Variants in RUNX2 observed in about 807,000 individuals in gnomAD.
RUNX2 encodes runt-related transcription factor 2.
RUNX2 carries 10 observed loss-of-function variants against 51.7 expected under a neutral mutation model. That is an observed-to-expected ratio of 0.19 (90% CI 0.12 to 0.33). The LOEUF (loss-of-function observed/expected upper bound fraction) is 0.33, where lower values mean the gene tolerates loss of function less well. Among genes scored for constraint, RUNX2 ranks in the 10% least tolerant of loss-of-function variants. The probability of loss-of-function intolerance (pLI) is 1.00; values close to 1 mark genes in which losing one functional copy is unlikely to be tolerated. For missense variants in RUNX2, 562 were observed against 691.3 expected, an observed-to-expected ratio of 0.81 and a Z score of 2.10; for synonymous variants, 276 against 273.6, an observed-to-expected ratio of 1.01 and a Z score of -0.09.
At chr6:45,419,327 C>T (rs1485779597) in intron 2 of RUNX2, among the ~76,000 whole-genome samples, 2 of 151,324 alleles carry the variant, frequency 1.3e-5, no homozygotes, top group Admixed American at 6.6e-5. Context: ...ATAACTGCTT[C>T]CCCCCTTTGC....
chr6:45,424,276 C>T (rs546927709), intron 3 of RUNX2, among the ~76,000 whole-genome samples: 2 of 152,324 alleles, frequency 1.3e-5, no homozygotes, highest in South Asian at 2.1e-4. Flanking sequence ...CCCGGGGTAG[C>T]CCTCTACAGG....
chr6:45,547,696 T>G lies in RUNX2; in HGVS notation c.*391T>G. 3.3e-6 allele frequency: 1 copy of G among 306,680 alleles called. No homozygotes were observed. The highest frequency in any genetic ancestry group is 6.3e-6 in the Non-Finnish European group (1 of 159,248). 19.0% of individuals were successfully genotyped at this position (306,680 alleles called of 1,614,324 possible). On this transcript the variant is annotated 3_prime_UTR_variant, in exon 9 of 9. Coordinates refer to ENST00000647337, the MANE Select transcript of RUNX2 (RefSeq NM_001024630.4). ...GAAGAGCAAAGCCGCTTCCTCTCTG[T>G]GCTTTGAAACTTCACACCCTCACGG...
chr6:45,479,923 A>G (rs1800062846), intron 5 of RUNX2, among the ~76,000 whole-genome samples: 1 of 152,204 alleles, frequency 6.6e-6, no homozygotes, highest in Non-Finnish European at 1.5e-5. Context: ...ATATAACGAT[A>G]ACTTGATCCT....
intron 2 of RUNX2, among the ~76,000 whole-genome samples, chr6:45,375,104 G>A (rs1212373202): frequency 2.0e-5 from 3 of 152,216 alleles, no homozygotes; most frequent in African/African-American, 7.2e-5. Context: ...CTACTCGGGA[G>A]GCTGAGGCAG....
At chr6:45,431,778 A>G (rs1421220815) in intron 3 of RUNX2, 85 bp from the exon 4 acceptor site, 22 of 1,463,246 alleles carry the variant, frequency 1.5e-5, no homozygotes, top group Non-Finnish European at 2.0e-5. Context: ...TCCTGATAAG[A>G]CACATCATTT....
chr6:45,350,396 A>C lies in RUNX2; in HGVS notation c.58+21612A>C, dbSNP rs141258258. On this transcript the variant is annotated intron_variant, in intron 2 of 8. Transcript: ENST00000647337. Reference sequence around the variant, plus strand: ...ATACAAGGAATTTGCACCAGAATGTAAATCAATTACATTAGGTAATTTGTA... The same window carrying C: ...ATACAAGGAATTTGCACCAGAATGTCAATCAATTACATTAGGTAATTTGTA... Among the ~76,000 whole-genome samples, 17 of 152,356 alleles carry C rather than the reference A, an allele frequency of 1.1e-4. No homozygotes were observed. In the East Asian group the frequency reaches 3.1e-3, roughly 28 times the overall value.
intron 2 of RUNX2, among the ~76,000 whole-genome samples, chr6:45,341,067 T>C (rs576384959): frequency 6.6e-6 from 1 of 152,320 alleles, no homozygotes; most frequent in East Asian, 1.9e-4. Context: ...CTTTTTCCTG[T>C]GCCTACCAAA....
chr6:45,472,126 T>C (rs1799820644), intron 5 of RUNX2, among the ~76,000 whole-genome samples: 1 of 152,200 alleles, frequency 6.6e-6, no homozygotes, highest in African/African-American at 2.4e-5. Context: ...GTTTCTGTTT[T>C]TAAGAAATTT....
intron 2 of RUNX2, among the ~76,000 whole-genome samples, chr6:45,374,975 G>A (rs913492697): frequency 3.9e-5 from 6 of 152,234 alleles, no homozygotes; most frequent in African/African-American, 1.4e-4. Context: ...GGGAGGCTGA[G>A]GCGGGTGGAG....
chr6:45,450,023 GCTGGTA>G (rs1314738187), intron 5 of RUNX2, among the ~76,000 whole-genome samples: 4 of 152,196 alleles, frequency 2.6e-5, no homozygotes, highest in African/African-American at 9.7e-5. Flanking sequence ...GATAGATAAT[GCTGGTA>G]CTGTTATGAA....
intron 2 of RUNX2, chr6:45,361,505 A>G (rs1794255572): frequency 1.3e-5 from 2 of 152,192 alleles, no homozygotes; most frequent in Admixed American, 1.3e-4. Flanking sequence ...TAAATTAATT[A>G]AAATTCTTAA....
At chr6:45,360,365 T>C (rs956245600) in intron 2 of RUNX2, among the ~76,000 whole-genome samples, 1 of 152,220 alleles carries the variant, frequency 6.6e-6, no homozygotes, top group Non-Finnish European at 1.5e-5. Flanking sequence ...TTATTATCAC[T>C]GATATTATTA....
At chr6:45,428,522 C>G (rs1211984505) in intron 3 of RUNX2, among the ~76,000 whole-genome samples, 1 of 152,140 alleles carries the variant, frequency 6.6e-6, no homozygotes, top group Admixed American at 6.5e-5. Flanking sequence ...AAGATTGTCA[C>G]TACCTTGCAT....
At chr6:45,418,600 G>A (rs1798112906) in intron 2 of RUNX2, among the ~76,000 whole-genome samples, 1 of 152,192 alleles carries the variant, frequency 6.6e-6, no homozygotes, top group Admixed American at 6.5e-5. Context: ...TTTCCTATGT[G>A]CCTACGATTA....
At chr6:45,403,704 A>C (rs1353427618) in intron 2 of RUNX2, among the ~76,000 whole-genome samples, 1 of 152,200 alleles carries the variant, frequency 6.6e-6, no homozygotes, top group Non-Finnish European at 1.5e-5. Flanking sequence ...TGTTCCAGGT[A>C]CCAGGGATTC....
At chr6:45,483,107 G>A (rs1393060716) in intron 5 of RUNX2, among the ~76,000 whole-genome samples, 1 of 152,142 alleles carries the variant, frequency 6.6e-6, no homozygotes, top group Non-Finnish European at 1.5e-5. Flanking sequence ...TTGTTCTAGG[G>A]CTGTCTCTAC....
intron 2 of RUNX2, among the ~76,000 whole-genome samples, chr6:45,373,545 T>G (rs113081836): frequency 6.7e-6 from 1 of 150,192 alleles, no homozygotes; most frequent in East Asian, 1.9e-4. Context: ...AAAATATTAT[T>G]TGTGTGTGTG....
intron 6 of RUNX2, among the ~76,000 whole-genome samples, chr6:45,497,129 A>G (rs1188645722): frequency 1.3e-5 from 2 of 152,132 alleles, no homozygotes; most frequent in Non-Finnish European, 2.9e-5. Flanking sequence ...TAGCTTGTAA[A>G]ACTGCCTTTG....
chr6:45,386,150 C>G (rs1289566486), intron 2 of RUNX2, among the ~76,000 whole-genome samples: 1 of 151,602 alleles, frequency 6.6e-6, no homozygotes, highest in Non-Finnish European at 1.5e-5. Flanking sequence ...TCACTGCAAC[C>G]TCCGCCTCCC....
Sources: gnomAD v4.1 joint callset for allele counts (sites outside exome capture counted in the v4.1 genomes callset) on GRCh38, gnomAD v4.1.1 for gene constraint, MANE v1.5 for transcripts, NCBI Gene and HGNC (gene_info 2026-07-23, HGNC 2026-07-21) for gene names.